PAQR8: variants seen among roughly 807,000 people sequenced by gnomAD.
PAQR8 encodes progestin and adipoQ receptor family member 8.
A neutral mutation model predicts 25.2 loss-of-function variants in PAQR8; 17 were observed. The ratio of observed to expected loss-of-function variants is 0.67; its 90% CI spans 0.46 to 1.01. The LOEUF (loss-of-function observed/expected upper bound fraction) is 1.01. Among genes scored for constraint, PAQR8 ranks in the 50% least tolerant of loss-of-function variants. The probability of loss-of-function intolerance (pLI) is 0.00; values close to 1 mark genes in which losing one functional copy is unlikely to be tolerated. For missense variants in PAQR8, 392 were observed against 448.4 expected, an observed-to-expected ratio of 0.87 and a Z score of 1.14; for synonymous variants, 204 against 190.6, an observed-to-expected ratio of 1.07 and a Z score of -0.58.
At chr6:52,385,632 C>T (rs763248860) in intron 1 of PAQR8, among the ~76,000 whole-genome samples, 2 of 152,290 alleles carry the variant, frequency 1.3e-5, no homozygotes, top group Non-Finnish European at 2.9e-5. Context: ...GTCTGGAATT[C>T]TAGCACTTTG....
intron 1 of PAQR8, among the ~76,000 whole-genome samples, chr6:52,373,903 C>T (rs75983140): frequency 1.2e-3 from 190 of 152,254 alleles, no homozygotes; most frequent in Non-Finnish European, 2.0e-3. Context: ...CAGTTATAAT[C>T]CCCAGTGTTG....
intron 1 of PAQR8, among the ~76,000 whole-genome samples, chr6:52,376,686 A>G (rs535224781): frequency 1.6e-4 from 25 of 152,314 alleles, no homozygotes; most frequent in Middle Eastern, 3.4e-3. Flanking sequence ...TTGTCTAGTG[A>G]TGCGTATGTA....
chr6:52,390,720 T>A (rs1763696695), intron 1 of PAQR8, among the ~76,000 whole-genome samples: 1 of 152,214 alleles, frequency 6.6e-6, no homozygotes, highest in Non-Finnish European at 1.5e-5. Flanking sequence ...TTTTTTTCCC[T>A]TTAAACCCCC....
intron 1 of PAQR8, among the ~76,000 whole-genome samples, chr6:52,374,888 T>C (rs181648008): frequency 1.3e-5 from 2 of 151,302 alleles, no homozygotes; most frequent in African/African-American, 2.4e-5. Context: ...TGGCTCTCTA[T>C]GGGACATGCC....
At chr6:52,385,569 A>G (rs1006145357) in intron 1 of PAQR8, among the ~76,000 whole-genome samples, 1 of 152,244 alleles carries the variant, frequency 6.6e-6, no homozygotes, top group Admixed American at 6.5e-5. Context: ...TAATTAAACT[A>G]AAGAGCTTCT....
intron 1 of PAQR8, among the ~76,000 whole-genome samples, chr6:52,372,733 CATATATATATATATATATGGAT>C (rs1203456353): frequency 6.9e-5 from 10 of 145,382 alleles, no homozygotes; most frequent in Admixed American, 3.5e-4. Flanking sequence ...TGGCCAACTC[CATATATATATATATATATGGAT>C]ATATATATAT....
intron 1 of PAQR8, among the ~76,000 whole-genome samples, chr6:52,386,864 A>T (rs1763638630): frequency 6.6e-6 from 1 of 152,194 alleles, no homozygotes; most frequent in South Asian, 2.1e-4. Flanking sequence ...TGAGTGATAA[A>T]CAATCACAAC....
intron 1 of PAQR8, among the ~76,000 whole-genome samples, chr6:52,383,916 A>G (rs1763597977): frequency 6.6e-6 from 1 of 152,200 alleles, no homozygotes. Flanking sequence ...AGCTAAATCA[A>G]AAAAGGTGGA....
chr6:52,393,694 T>G (rs1372194372), intron 1 of PAQR8, among the ~76,000 whole-genome samples: 1 of 152,194 alleles, frequency 6.6e-6, no homozygotes, highest in African/African-American at 2.4e-5. Flanking sequence ...AATATCAATG[T>G]GATAGGCACA....
intron 1 of PAQR8, among the ~76,000 whole-genome samples, chr6:52,388,022 C>T (rs762888568): frequency 6.6e-6 from 1 of 152,170 alleles, no homozygotes; most frequent in Non-Finnish European, 1.5e-5. Flanking sequence ...CTGAGGGCTC[C>T]CAGTGATTCT....
intron 1 of PAQR8, among the ~76,000 whole-genome samples, chr6:52,376,780 G>GC (rs1307884010): frequency 1.3e-5 from 2 of 152,270 alleles, no homozygotes; most frequent in African/African-American, 2.4e-5. Flanking sequence ...ATAAAAAGAG[G>GC]CCCCCCAAAT....
At chr6:52,365,837 G>A (rs1307944469) in intron 1 of PAQR8, among the ~76,000 whole-genome samples, 1 of 152,056 alleles carries the variant, frequency 6.6e-6, no homozygotes. Flanking sequence ...TTTGAATTCA[G>A]ATTTTTTTTT....
intron 1 of PAQR8, among the ~76,000 whole-genome samples, chr6:52,389,182 C>T (rs1763667259): frequency 6.6e-6 from 1 of 152,186 alleles, no homozygotes; most frequent in South Asian, 2.1e-4. Flanking sequence ...GTGGATGAAC[C>T]ACACAAATAA....
In PAQR8 at chr6:52,406,535, T is replaced by C; in HGVS notation, c.*2257T>C. On this transcript the variant is annotated 3_prime_UTR_variant, in exon 2 of 2. Transcript: ENST00000442253. ...CATACAATTTTAATTTATACAAGTA[T>C]TGGCCCCTCAAGTGGTTGGAAATTT... 4.8e-6 allele frequency: 2 copies of C among 413,506 alleles called. No homozygotes were observed. The highest frequency in any genetic ancestry group is 3.6e-5 in the East Asian group (1 of 28,088). The allele number at this position is 413,506 out of a possible 1,614,324, so 25.6% of individuals were successfully genotyped here. A position where few individuals can be genotyped will look rare whatever the true frequency, so the allele number is the denominator to read the frequency against.
intron 1 of PAQR8, among the ~76,000 whole-genome samples, chr6:52,373,062 A>G (rs1189346709): frequency 6.6e-6 from 1 of 152,120 alleles, no homozygotes; most frequent in Non-Finnish European, 1.5e-5. Context: ...ACCAGACCCC[A>G]CTGTTGTAGC....
chr6:52,387,209 G>C (rs1289114691), intron 1 of PAQR8, among the ~76,000 whole-genome samples: 1 of 152,208 alleles, frequency 6.6e-6, no homozygotes, highest in Non-Finnish European at 1.5e-5. Flanking sequence ...TGGGAGAGAA[G>C]GCTCTGGATA....
At chr6:52,396,991 C>A (rs552767032) in intron 1 of PAQR8, among the ~76,000 whole-genome samples, 118 of 152,218 alleles carry the variant, frequency 7.8e-4, no homozygotes, top group Middle Eastern at 3.4e-3. Flanking sequence ...CTGAGAGGCA[C>A]TGTGGATGGT....
intron 1 of PAQR8, among the ~76,000 whole-genome samples, chr6:52,381,760 AAGG>A (rs777136955): frequency 3.3e-5 from 5 of 152,224 alleles, no homozygotes; most frequent in Non-Finnish European, 5.9e-5. Flanking sequence ...TTTAACAAGA[AAGG>A]AGGAGAAATA....
intron 1 of PAQR8, among the ~76,000 whole-genome samples, chr6:52,381,132 A>G (rs1164896580): frequency 6.8e-6 from 1 of 147,638 alleles, no homozygotes; most frequent in African/African-American, 2.4e-5. Context: ...CTTCTGGTCA[A>G]GAATTCTAAA....
Sources: gnomAD v4.1 joint callset for allele counts (sites outside exome capture counted in the v4.1 genomes callset) on GRCh38, gnomAD v4.1.1 for gene constraint, MANE v1.5 for transcripts, NCBI Gene and HGNC (gene_info 2026-07-23, HGNC 2026-07-21) for gene names.